Variants in DYM observed in about 807,000 individuals in gnomAD.
DYM encodes dymeclin.
Under a neutral mutation model 93.1 loss-of-function variants are expected in DYM, and 78 were observed. That is an observed-to-expected ratio of 0.84 (90% CI 0.70 to 1.01). DYM has a LOEUF of 1.01. Ranked by LOEUF, DYM falls within the 50% of genes least tolerant of loss-of-function variation. The pLI, the probability that DYM is intolerant of heterozygous loss-of-function variation, is 0.00. For missense variants in DYM, 789 were observed against 845.0 expected (o/e 0.93, Z 0.82); for synonymous variants, 321 against 319.7 (o/e 1.00, Z -0.04).
chr18:49,441,282 A>AT (rs1568454808), intron 1 of DYM, among the ~76,000 whole-genome samples: 1 of 34,116 alleles, frequency 2.9e-5, no homozygotes, highest in Admixed American at 4.8e-4. Context: ...TATATTATAT[A>AT]ATTATATATA....
At chr18:49,384,621 T>C (rs1191140312) in intron 3 of DYM, among the ~76,000 whole-genome samples, 4 of 39,368 alleles carry the variant, frequency 1.0e-4, no homozygotes, top group Non-Finnish European at 1.5e-4. Flanking sequence ...CAACACTCCA[T>C]CTCAAAAAAA....
At chr18:49,267,790 C>T (rs535100217) in intron 11 of DYM, among the ~76,000 whole-genome samples, 11 of 152,050 alleles carry the variant, frequency 7.2e-5, no homozygotes, top group South Asian at 4.1e-4. Context: ...CCCAGCTACT[C>T]GGGAGGCTGA....
intron 7 of DYM, among the ~76,000 whole-genome samples, chr18:49,332,248 T>C (rs2063360224): frequency 6.6e-6 from 1 of 152,182 alleles, no homozygotes; most frequent in Admixed American, 6.5e-5. Flanking sequence ...ATTACTTAAA[T>C]ACTTTTTTTC....
chr18:49,168,702 GA>G lies in DYM; in HGVS notation c.1626-4916del, dbSNP rs957858558. ...AAGGAACTCAAGTCTACTGGGATGA[GA>G]AAAAAAAAATTTTTACAATACTGAA... On this transcript the variant is annotated intron_variant, in intron 14 of 17. Coordinates refer to ENST00000675505, the MANE Select transcript of DYM (RefSeq NM_001353214.3). Among the ~76,000 whole-genome samples the G allele has an allele frequency of 2.7e-4, 41 of 151,942 alleles. 1 individual carries two copies. The highest frequency in any genetic ancestry group is 8.9e-4 in the African/African-American group (37 of 41,368).
intron 1 of DYM, among the ~76,000 whole-genome samples, chr18:49,451,522 C>G (rs968249236): frequency 1.3e-5 from 2 of 152,156 alleles, no homozygotes; most frequent in Admixed American, 1.3e-4. Flanking sequence ...ATCTTGGGAC[C>G]TTAAGAGAAA....
chr18:49,235,049 A>G (rs543575572), intron 13 of DYM, among the ~76,000 whole-genome samples: 1 of 152,194 alleles, frequency 6.6e-6, no homozygotes, highest in African/African-American at 2.4e-5. Context: ...GAGCCTCCCA[A>G]TATGAACCCA....
intron 13 of DYM, among the ~76,000 whole-genome samples, chr18:49,229,838 C>T (rs1211015379): frequency 6.6e-6 from 1 of 152,140 alleles, no homozygotes; most frequent in South Asian, 2.1e-4. Flanking sequence ...CAGCTTCATA[C>T]ATAATTGCCC....
At chr18:49,104,681 G>A (rs1175273572) in intron 16 of DYM, among the ~76,000 whole-genome samples, 1 of 152,134 alleles carries the variant, frequency 6.6e-6, no homozygotes, top group Non-Finnish European at 1.5e-5. Flanking sequence ...TATGGTTTTT[G>A]TCATTGGTTC....
At chr18:49,341,466 T>C (rs1302553902) in intron 6 of DYM, among the ~76,000 whole-genome samples, 2 of 117,098 alleles carry the variant, frequency 1.7e-5, no homozygotes, top group South Asian at 2.9e-4. Flanking sequence ...CATTCTAGCC[T>C]GGGCTACAGA....
At chr18:49,080,414 G>A (rs1339904034) in intron 17 of DYM, among the ~76,000 whole-genome samples, 2 of 138,516 alleles carry the variant, frequency 1.4e-5, no homozygotes, top group Non-Finnish European at 1.6e-5. Flanking sequence ...TCCCGGACGG[G>A]GTGGCTGGCC....
chr18:49,137,679 C>A lies in DYM; in HGVS notation c.1729-18753G>T, dbSNP rs545975798. Among the ~76,000 whole-genome samples the A allele has an allele frequency of 7.4e-4, 113 of 152,244 alleles. 2 individuals carry two copies. Among genetic ancestry groups the A allele is most frequent in the African/African-American group, 2.7e-3 (111 of 41,542 alleles). On this transcript the variant is annotated intron_variant, in intron 15 of 17. Transcript: ENST00000675505. ...AGCTGTCCTCTAAGTTTATAAATAA[C>A]AGATAGTTTTTCTTTAGTTAAAAGC...
intron 13 of DYM, among the ~76,000 whole-genome samples, chr18:49,223,646 A>G (rs928876029): frequency 5.9e-5 from 9 of 152,142 alleles, no homozygotes; most frequent in African/African-American, 2.2e-4. Flanking sequence ...AATGAGTAAC[A>G]AAGTACTACA....
intron 17 of DYM, among the ~76,000 whole-genome samples, chr18:49,081,564 G>C (rs986864217): frequency 8.2e-6 from 1 of 122,668 alleles, no homozygotes; most frequent in Non-Finnish European, 1.8e-5. Flanking sequence ...GGGGAGAGGG[G>C]AGAGGGGAGC....
intron 2 of DYM, among the ~76,000 whole-genome samples, chr18:49,425,489 G>C (rs2148402818): frequency 6.6e-6 from 1 of 152,180 alleles, no homozygotes; most frequent in South Asian, 2.1e-4. Flanking sequence ...CATGGGCAAG[G>C]ACTTCATGTC....
chr18:49,368,153 A>C (rs889889287), intron 5 of DYM, among the ~76,000 whole-genome samples: 2 of 152,230 alleles, frequency 1.3e-5, no homozygotes, highest in Non-Finnish European at 2.9e-5. Context: ...ATCAGTAATA[A>C]TTCTGGTTGA....
At chr18:49,380,891 T>A (rs965936011) in intron 3 of DYM, among the ~76,000 whole-genome samples, 5 of 152,376 alleles carry the variant, frequency 3.3e-5, no homozygotes, top group Non-Finnish European at 5.9e-5. Context: ...TGAAGTATTT[T>A]TAACTAGTTT....
intron 13 of DYM, among the ~76,000 whole-genome samples, chr18:49,222,010 A>T (rs1418354269): frequency 1.3e-5 from 2 of 152,008 alleles, no homozygotes; most frequent in African/African-American, 2.4e-5. Context: ...AGAAAAAAGA[A>T]ACTAGACAAA....
At chr18:49,425,062 T>C (rs117163453) in intron 2 of DYM, among the ~76,000 whole-genome samples, 13,645 of 151,948 alleles carry the variant, frequency 0.09, 850 homozygotes, top group East Asian at 0.31. Flanking sequence ...TCATGTAGAA[T>C]CAAAAAAGAG....
At chr18:49,347,153 A>G (rs562149867) in intron 6 of DYM, among the ~76,000 whole-genome samples, 22 of 152,196 alleles carry the variant, frequency 1.4e-4, no homozygotes, top group Non-Finnish European at 2.6e-4. Context: ...TCAAAAAATC[A>G]TAAGTCAAAT....
Sources: gnomAD v4.1 joint callset for allele counts (sites outside exome capture counted in the v4.1 genomes callset) on GRCh38, gnomAD v4.1.1 for gene constraint, MANE v1.5 for transcripts, NCBI Gene and HGNC (gene_info 2026-07-23, HGNC 2026-07-21) for gene names.